The following MED1 variants were observed in gnomAD, a reference collection of about 807,000 sequenced individuals.
MED1 encodes the protein mediator of RNA polymerase II transcription subunit 1.
MED1 carries 17 observed loss-of-function variants against 121.3 expected under a neutral mutation model. The observed-to-expected ratio is 0.14, with a 90% CI of 0.10 to 0.21. MED1 has a LOEUF of 0.21. Ranked by LOEUF, MED1 falls within the 10% of genes least tolerant of loss-of-function variation. The pLI, the probability that MED1 is intolerant of heterozygous loss-of-function variation, is 1.00. For missense variants in MED1, 1,558 were observed against 1,919.4 expected (o/e 0.81, Z 3.52); for synonymous variants, 661 against 694.4 (o/e 0.95, Z 0.76).
intron 16 of MED1, among the ~76,000 whole-genome samples, chr17:39,413,936 A>AC (rs1491290230): frequency 9.0e-6 from 1 of 111,534 alleles, no homozygotes; most frequent in Non-Finnish European, 2.1e-5. Context: ...AAAAAAAAAA[A>AC]ACAAAGCTGG....
intron 16 of MED1, among the ~76,000 whole-genome samples, 194 bp downstream of exon 16, chr17:39,414,828 CCTGA>C (rs2048393049): frequency 4.0e-5 from 6 of 151,756 alleles, no homozygotes; most frequent in South Asian, 2.1e-4. Context: ...CGCCATCGCG[CCTGA>C]CTAATTTTTG....
intron 3 of MED1, among the ~76,000 whole-genome samples, chr17:39,442,388 G>A (rs2048685006): frequency 6.6e-6 from 1 of 151,578 alleles, no homozygotes; most frequent in African/African-American, 2.4e-5. Flanking sequence ...ACGAGGTCAG[G>A]AGATCTATAC....
Position 39,423,409 on chromosome 17 carries a change from G to C in MED1, c.1013C>G (p.Pro338Arg). 2 of 1,613,648 alleles carry C rather than the reference G, an allele frequency of 1.2e-6. No individual in the cohort carries two copies. The highest frequency in any genetic ancestry group is 1.7e-6 in the Non-Finnish European group (2 of 1,179,766). ...AAACTGAGTGATCAGTTCATACAGG[G>C]GTGCATAAGTTGGTTGAGTTTCAAA... is the stretch of plus-strand genomic sequence containing the variant. ...PLFETQPTYA[P>R]LYELITQFEL... Residue 338 changes from proline (P) to arginine (R), a missense_variant, in exon 13 of 17, where the codon CCC becomes CGC. Pro to Arg is a moderately radical substitution (Grantham distance 103). This residue lies in a region of MED1 where 443 missense variants were observed against 532.4 expected (regional missense o/e 0.83). Coordinates refer to ENST00000300651, the MANE Select transcript of MED1 (RefSeq NM_004774.4).
intron 13 of MED1, among the ~76,000 whole-genome samples, chr17:39,420,494 C>T (rs2048452238): frequency 6.6e-6 from 1 of 152,072 alleles, no homozygotes; most frequent in African/African-American, 2.4e-5. Context: ...AACAACCACG[C>T]CCGGCTGCAA....
chr17:39,422,149 T>A (rs1737348760), intron 13 of MED1, among the ~76,000 whole-genome samples: 2 of 149,762 alleles, frequency 1.3e-5, no homozygotes, highest in African/African-American at 4.9e-5. Context: ...AAAAAGTCTA[T>A]CACCCAAAAT....
At chr17:39,412,354 G>C in intron 16 of MED1, among the ~76,000 whole-genome samples, 1 of 146,796 alleles carries the variant, frequency 6.8e-6, no homozygotes, top group South Asian at 2.2e-4. Context: ...TCAGCCTCTC[G>C]AGTAGCTGGG....
rs555767435 is a variant in MED1, at chr17:39,446,047, A to T, written c.132+1751T>A. On this transcript the variant is annotated intron_variant, in intron 2 of 16. Transcript: ENST00000300651. ...CCATCTTTAAAAAAAAAAAAAAAAAATGAATCCGCCAGGCACGGTGGCTCA... is the reference window on the plus strand; with the variant it reads ...CCATCTTTAAAAAAAAAAAAAAAAATTGAATCCGCCAGGCACGGTGGCTCA... Among the ~76,000 whole-genome samples the T allele has an allele frequency of 2.9e-4, 43 of 149,098 alleles. 1 individual carries two copies. The East Asian group carries it at 8.6e-3, about 30-fold the overall frequency.
At chr17:39,431,217 ATAT>A in intron 8 of MED1, 29 bp from the exon 9 acceptor site, 2 of 1,546,544 alleles carry the variant, frequency 1.3e-6, no homozygotes, top group South Asian at 2.2e-5. Context: ...ATGTTTGCTT[ATAT>A]TTAATCCCTG....
chr17:39,436,594 C>T (rs1001521519), intron 6 of MED1, among the ~76,000 whole-genome samples: 6 of 152,066 alleles, frequency 3.9e-5, no homozygotes, highest in African/African-American at 1.4e-4. Flanking sequence ...CCACTATCTG[C>T]TAAAAGCGAC....
At position 39,410,323 on chromosome 17, in the gene MED1, G is replaced by C. The variant is rs1457573414; in HGVS notation, c.1898C>G (p.Ser633Cys). 1.2e-6 allele frequency: 2 copies of C among 1,614,014 alleles called. No individual in the cohort carries two copies. Among genetic ancestry groups the C allele is most frequent in the South Asian group, 2.2e-5 (2 of 91,034 alleles). Reference sequence around the variant, plus strand: ...GTTCTTGGTGTTGCCGGCCATCGAAGAGACAGGTGGCGGCGTGTGATGAGG... The same window carrying C: ...GTTCTTGGTGTTGCCGGCCATCGAACAGACAGGTGGCGGCGTGTGATGAGG... ...TPPHHTPPPV[S>C]SMAGNTKNHP... Residue 633 changes from serine to cysteine, a missense_variant, in exon 17 of 17, where the codon TCT becomes TGT. By Grantham distance (112) the Ser-to-Cys change is moderately radical. Around this residue, in one of 5 missense-constraint regions of MED1, gnomAD observed 793 missense variants for 898.2 expected, o/e 0.88. Transcript: ENST00000300651.
chr17:39,424,514 A>G, intron 11 of MED1, 113 bp downstream of exon 11: 1 of 679,202 alleles, frequency 1.5e-6, no homozygotes, highest in Admixed American at 3.0e-5. Flanking sequence ...AATGGATAAA[A>G]CAAAAGGCCA....
intron 2 of MED1, chr17:39,445,589 A>G (rs1165213882): frequency 1.3e-5 from 2 of 152,158 alleles, no homozygotes; most frequent in African/African-American, 4.8e-5. Context: ...AGACAAGCAA[A>G]GTCATGGTGA....
In MED1 at chr17:39,405,027, A is replaced by C; in HGVS notation, c.*2448T>G. 1 of 563,738 alleles carries C rather than the reference A, an allele frequency of 1.8e-6. No individual in the cohort carries two copies. Among genetic ancestry groups the C allele is most frequent in the East Asian group, 2.9e-5 (1 of 34,268 alleles). The allele number at this position is 563,738 out of a possible 1,614,324, so 34.9% of individuals were successfully genotyped here. Reference sequence around the variant, plus strand: ...AACTGAGAATACATAAGACACCAGCAGCAGAAGATAGGTAGAAGTTGACTT... The same window carrying C: ...AACTGAGAATACATAAGACACCAGCCGCAGAAGATAGGTAGAAGTTGACTT... On this transcript the variant is annotated 3_prime_UTR_variant, in exon 17 of 17. Transcript: ENST00000300651.
intron 3 of MED1, 112 bp downstream of exon 3, chr17:39,443,438 T>C: frequency 1.3e-6 from 1 of 774,570 alleles, no homozygotes; most frequent in Non-Finnish European, 2.2e-6. Flanking sequence ...GAGCAATATC[T>C]AATACATAAA....
chr17:39,448,112 C>T (rs1283206583), intron 1 of MED1, among the ~76,000 whole-genome samples: 3 of 151,476 alleles, frequency 2.0e-5, no homozygotes, highest in African/African-American at 7.3e-5. Flanking sequence ...GAATACCATA[C>T]CACTGGACTG....
intron 1 of MED1, among the ~76,000 whole-genome samples, chr17:39,448,507 A>G (rs1380907982): frequency 6.6e-6 from 1 of 150,468 alleles, no homozygotes; most frequent in African/African-American, 2.5e-5. Context: ...CCTTGATCAC[A>G]CCACTTACTC....
chr17:39,432,950 A>AT (rs2048580992), intron 7 of MED1, among the ~76,000 whole-genome samples: 1 of 152,048 alleles, frequency 6.6e-6, no homozygotes, highest in African/African-American at 2.4e-5. Context: ...TCTCACGCCT[A>AT]TAATCCAAGC....
rs188729878 is a variant in MED1, at chr17:39,428,907, G to A, written c.650-1117C>T. ...GTGGAGGTTGCAGTGAGCTAAAATC[G>A]TGCCACTGCACTCCAGCCTGGGTGA... On this transcript the variant is annotated intron_variant, in intron 9 of 16. Transcript: ENST00000300651. Among the ~76,000 whole-genome samples, 548 of 150,972 alleles carry A rather than the reference G, an allele frequency of 3.6e-3. 3 individuals are homozygous for A. The highest frequency in any genetic ancestry group is 5.9e-3 in the Non-Finnish European group (400 of 67,716).
At chr17:39,423,673 T>G (rs372226283) in intron 12 of MED1, 24 bp downstream of exon 12, 20 of 1,613,768 alleles carry the variant, frequency 1.2e-5, no homozygotes, top group Non-Finnish European at 1.6e-5. Flanking sequence ...TAACAAGTAC[T>G]AGATCCTGAT....
Sources: gnomAD v4.1 joint callset for allele counts (sites outside exome capture counted in the v4.1 genomes callset) on GRCh38, gnomAD v4.1.1 for gene constraint, gnomAD v4.1.1 regional missense constraint, MANE v1.5 for transcripts, NCBI Gene and HGNC (gene_info 2026-07-23, HGNC 2026-07-21) for gene names.